AUTS2: variants seen among roughly 807,000 people sequenced by gnomAD.
The protein encoded by AUTS2 is activator of transcription and developmental regulator AUTS2, also known as autism susceptibility gene 2 protein.
Under a neutral mutation model 112.4 loss-of-function variants are expected in AUTS2, and 17 were observed. That is an observed-to-expected ratio of 0.15 (90% confidence interval 0.10 to 0.23). The LOEUF (loss-of-function observed/expected upper bound fraction) is 0.23, where lower values mean the gene tolerates loss of function less well. Among genes scored for constraint, AUTS2 ranks in the 10% least tolerant of loss-of-function variants. AUTS2 has a pLI of 1.00. For synonymous variants in AUTS2, 751 were observed against 702.7 expected (o/e 1.07, Z -1.09); for missense variants, 1,510 against 1,701.6 (o/e 0.89, Z 1.98).
chr7:69,793,141 C>T lies in AUTS2; in HGVS notation c.310-106145C>T, dbSNP rs139185880. ...CTATTACAGATAGCAGGTTGGGAGACAGTTTGAGTCCTGTGTTTGCACTCC... is the reference window on the plus strand; with the variant it reads ...CTATTACAGATAGCAGGTTGGGAGATAGTTTGAGTCCTGTGTTTGCACTCC... On this transcript the variant is annotated intron_variant, in intron 1 of 18. Coordinates refer to ENST00000342771, the MANE Select transcript of AUTS2 (RefSeq NM_015570.4). 3.1e-3 allele frequency among the ~76,000 whole-genome samples: 475 copies of T among 152,270 alleles called. 3 individuals are homozygous for T. Among genetic ancestry groups the T allele is most frequent in the Middle Eastern group, 0.01 (3 of 294 alleles).
At chr7:70,483,007 T>C (rs1476803463) in intron 5 of AUTS2, among the ~76,000 whole-genome samples, 1 of 152,204 alleles carries the variant, frequency 6.6e-6, no homozygotes, top group Non-Finnish European at 1.5e-5. Context: ...ATTGAGTTTT[T>C]TATATGAAAT....
intron 4 of AUTS2, among the ~76,000 whole-genome samples, chr7:70,411,145 A>G (rs1794759604): frequency 6.6e-6 from 1 of 152,106 alleles, no homozygotes. Flanking sequence ...GATTACAGGC[A>G]CGAGCCACCG....
chr7:70,047,101 G>C (rs1801540970), intron 2 of AUTS2, among the ~76,000 whole-genome samples: 1 of 152,168 alleles, frequency 6.6e-6, no homozygotes. Context: ...TGGTGGAATT[G>C]ATGTTTGTGA....
intron 4 of AUTS2, among the ~76,000 whole-genome samples, chr7:70,403,228 C>A (rs916935173): frequency 6.6e-6 from 1 of 152,132 alleles, no homozygotes; most frequent in Non-Finnish European, 1.5e-5. Context: ...GAATAAAAGA[C>A]AACAGGATGT....
intron 2 of AUTS2, among the ~76,000 whole-genome samples, chr7:69,953,968 AT>A (rs1246374450): frequency 2.6e-5 from 4 of 152,070 alleles, no homozygotes; most frequent in Non-Finnish European, 5.9e-5. Flanking sequence ...TTCCCTTATG[AT>A]TTCCTCTCTA....
intron 2 of AUTS2, among the ~76,000 whole-genome samples, chr7:70,026,223 G>A (rs1800517301): frequency 6.6e-6 from 1 of 152,164 alleles, no homozygotes; most frequent in Non-Finnish European, 1.5e-5. Context: ...TGAGGATCTG[G>A]CCTCATGAGC....
chr7:69,671,472 C>T (rs1230247541), intron 1 of AUTS2, among the ~76,000 whole-genome samples: 1 of 142,148 alleles, frequency 7.0e-6, no homozygotes, highest in East Asian at 2.1e-4. Context: ...AATGTTTTGG[C>T]TGCTGCTGCT....
chr7:69,915,303 G>A (rs1030447882), intron 2 of AUTS2, among the ~76,000 whole-genome samples: 6 of 152,094 alleles, frequency 3.9e-5, no homozygotes, highest in Non-Finnish European at 7.4e-5. Flanking sequence ...TTATTCTACC[G>A]AAAGCATCGG....
chr7:70,310,587 T>C (rs1789699605), intron 4 of AUTS2, among the ~76,000 whole-genome samples: 1 of 150,098 alleles, frequency 6.7e-6, no homozygotes, highest in African/African-American at 2.5e-5. Flanking sequence ...CACTCCAGCC[T>C]GGGCGACTGA....
At chr7:69,984,402 G>C (rs576782326) in intron 2 of AUTS2, among the ~76,000 whole-genome samples, 2 of 102,164 alleles carry the variant, frequency 2.0e-5, no homozygotes, top group East Asian at 5.7e-4. Flanking sequence ...GTGAGACTCT[G>C]TCTCAAAAAA....
At chr7:69,947,530 A>C (rs1003459246) in intron 2 of AUTS2, among the ~76,000 whole-genome samples, 2 of 152,208 alleles carry the variant, frequency 1.3e-5, no homozygotes, top group Non-Finnish European at 2.9e-5. Context: ...TCATTTATTA[A>C]AAGTAGTATG....
At chr7:69,609,138 C>T (rs146021629) in intron 1 of AUTS2, among the ~76,000 whole-genome samples, 24 of 152,330 alleles carry the variant, frequency 1.6e-4, no homozygotes, top group Non-Finnish European at 2.9e-4. Context: ...TTCAAGATCA[C>T]ACTGGGAGTT....
chr7:69,691,278 G>A (rs1250895503), intron 1 of AUTS2, among the ~76,000 whole-genome samples: 1 of 152,148 alleles, frequency 6.6e-6, no homozygotes, highest in South Asian at 2.1e-4. Context: ...TCCCTGGCTT[G>A]AAGTTGGGGT....
At chr7:70,503,136 G>A (rs965064933) in intron 5 of AUTS2, among the ~76,000 whole-genome samples, 7 of 152,076 alleles carry the variant, frequency 4.6e-5, no homozygotes, top group Non-Finnish European at 7.4e-5. Context: ...TGCACTGGGT[G>A]CAGCTAGTCG....
At chr7:70,706,733 G>A (rs537648776) in intron 6 of AUTS2, among the ~76,000 whole-genome samples, 2 of 152,304 alleles carry the variant, frequency 1.3e-5, no homozygotes, top group South Asian at 2.1e-4. Flanking sequence ...ACTTATTGCT[G>A]GCTTGGAAGG....
intron 1 of AUTS2, among the ~76,000 whole-genome samples, chr7:69,725,521 A>G (rs1407090181): frequency 6.6e-6 from 1 of 152,172 alleles, no homozygotes; most frequent in Admixed American, 6.5e-5. Flanking sequence ...TATGCAAAAA[A>G]AGGCAGGGTT....
At chr7:70,134,668 TTCTC>T in intron 4 of AUTS2, 97 bp downstream of exon 4, 1 of 1,163,074 alleles carries the variant, frequency 8.6e-7, no homozygotes. Context: ...ATCTGAGAAT[TTCTC>T]TCTCAGTCCT....
intron 5 of AUTS2, among the ~76,000 whole-genome samples, chr7:70,479,101 T>G (rs1183599729): frequency 6.6e-6 from 1 of 151,794 alleles, no homozygotes; most frequent in Non-Finnish European, 1.5e-5. Context: ...GATGAAAAAA[T>G]AGTACCTTAG....
At chr7:69,749,256 G>T (rs1787636623) in intron 1 of AUTS2, among the ~76,000 whole-genome samples, 1 of 152,142 alleles carries the variant, frequency 6.6e-6, no homozygotes, top group African/African-American at 2.4e-5. Context: ...TTTATGAACT[G>T]TAATGTATCT....
Sources: gnomAD v4.1 joint callset for allele counts (sites outside exome capture counted in the v4.1 genomes callset) on GRCh38, gnomAD v4.1.1 for gene constraint, MANE v1.5 for transcripts, NCBI Gene and HGNC (gene_info 2026-07-23, HGNC 2026-07-21) for gene names.